The following CHRM3 variants were observed in gnomAD, a reference collection of about 807,000 sequenced individuals.
CHRM3 encodes muscarinic acetylcholine receptor M3.
A neutral mutation model predicts 41.8 loss-of-function variants in CHRM3; 11 were observed. That is an observed-to-expected ratio of 0.26 (90% confidence interval 0.17 to 0.44). CHRM3 has a LOEUF of 0.44. CHRM3 is among the 20% of genes least tolerant of loss of function. CHRM3 has a pLI of 1.00. For missense variants in CHRM3, 571 were observed against 745.4 expected (o/e 0.77, Z 2.72); for synonymous variants, 297 against 301.4 (o/e 0.99, Z 0.15).
At chr1:239,421,716 A>G (rs1030859545) in intron 1 of CHRM3, among the ~76,000 whole-genome samples, 11 of 152,170 alleles carry the variant, frequency 7.2e-5, no homozygotes, top group East Asian at 1.9e-4. Flanking sequence ...AGATATTCCA[A>G]CCATCAGGGT....
intron 2 of CHRM3, among the ~76,000 whole-genome samples, chr1:239,527,082 G>A (rs746756599): frequency 3.9e-5 from 6 of 152,076 alleles, no homozygotes; most frequent in Non-Finnish European, 8.8e-5. Context: ...CCATGATCAC[G>A]CCACTGGATT....
At chr1:239,509,417 A>G (rs1431115270) in intron 2 of CHRM3, among the ~76,000 whole-genome samples, 2 of 152,218 alleles carry the variant, frequency 1.3e-5, no homozygotes, top group African/African-American at 4.8e-5. Context: ...CAGAATTTCT[A>G]TCCAATGGCA....
chr1:239,406,613 C>G (rs796645419), intron 1 of CHRM3, among the ~76,000 whole-genome samples: 11 of 152,316 alleles, frequency 7.2e-5, no homozygotes, highest in African/African-American at 2.6e-4. Flanking sequence ...ATAACTAACT[C>G]AGTAAGTCTT....
At chr1:239,552,250 A>G (rs1334875562) in intron 3 of CHRM3, among the ~76,000 whole-genome samples, 2 of 147,680 alleles carry the variant, frequency 1.4e-5, no homozygotes, top group African/African-American at 2.5e-5. Flanking sequence ...ATATATATGT[A>G]TAGATGATAT....
intron 5 of CHRM3, among the ~76,000 whole-genome samples, chr1:239,684,222 C>T (rs932223569): frequency 6.6e-6 from 1 of 152,110 alleles, no homozygotes; most frequent in African/African-American, 2.4e-5. Context: ...TTTGCTGTTA[C>T]AGGGCACTGC....
intron 5 of CHRM3, among the ~76,000 whole-genome samples, chr1:239,782,839 A>G (rs1255574343): frequency 6.6e-6 from 1 of 152,142 alleles, no homozygotes; most frequent in Non-Finnish European, 1.5e-5. Context: ...AAAATATTCC[A>G]AATTTCTTTT....
intron 1 of CHRM3, among the ~76,000 whole-genome samples, chr1:239,392,538 T>C (rs1363260703): frequency 3.3e-5 from 5 of 152,170 alleles, no homozygotes; most frequent in South Asian, 2.1e-4. Context: ...AGGCAGGATA[T>C]CCGCCGACTA....
At chr1:239,474,793 A>T (rs1271719219) in intron 1 of CHRM3, among the ~76,000 whole-genome samples, 1 of 152,132 alleles carries the variant, frequency 6.6e-6, no homozygotes, top group South Asian at 2.1e-4. Flanking sequence ...TTTAAAACAA[A>T]CAAACTAACT....
intron 5 of CHRM3, among the ~76,000 whole-genome samples, chr1:239,724,119 G>A (rs563574158): frequency 1.5e-4 from 22 of 151,440 alleles, no homozygotes; most frequent in Middle Eastern, 3.4e-3. Flanking sequence ...GCCTTTTTTG[G>A]TCATGTTGTA....
At chr1:239,475,328 A>G (rs1347650213) in intron 1 of CHRM3, among the ~76,000 whole-genome samples, 1 of 152,180 alleles carries the variant, frequency 6.6e-6, no homozygotes, top group East Asian at 1.9e-4. Context: ...TATTATGTTC[A>G]GAATGTACCC....
intron 1 of CHRM3, among the ~76,000 whole-genome samples, chr1:239,451,148 C>T (rs192436423): frequency 7.8e-4 from 119 of 152,126 alleles, no homozygotes; most frequent in South Asian, 3.1e-3. Flanking sequence ...TGCTTGAGCC[C>T]GGGGGTTGGA....
At chr1:239,883,331 C>A (rs1051583703) in intron 6 of CHRM3, among the ~76,000 whole-genome samples, 6 of 152,178 alleles carry the variant, frequency 3.9e-5, no homozygotes. Context: ...AGTTACACAC[C>A]CTTCATCTCC....
At chr1:239,462,994 G>A (rs1665467532) in intron 1 of CHRM3, among the ~76,000 whole-genome samples, 1 of 152,112 alleles carries the variant, frequency 6.6e-6, no homozygotes, top group African/African-American at 2.4e-5. Context: ...TTCTAGAAAA[G>A]GCAGTTTACT....
chr1:239,723,259 C>G (rs930201981), intron 5 of CHRM3, among the ~76,000 whole-genome samples: 3 of 151,582 alleles, frequency 2.0e-5, no homozygotes, highest in Non-Finnish European at 2.9e-5. Context: ...AAAACAGTGC[C>G]TAAGTAATTT....
intron 5 of CHRM3, among the ~76,000 whole-genome samples, chr1:239,719,955 G>A (rs7511970): frequency 0.4 from 61,210 of 151,790 alleles, 12,648 homozygotes; most frequent in Middle Eastern, 0.51. Flanking sequence ...TTTGGCACCT[G>A]GGATGGCAAA....
chr1:239,649,169 G>A (rs928748290), intron 4 of CHRM3, among the ~76,000 whole-genome samples: 3 of 152,156 alleles, frequency 2.0e-5, no homozygotes, highest in Non-Finnish European at 4.4e-5. Flanking sequence ...AGGTGGTAGT[G>A]TGAGAAGATA....
chr1:239,578,844 G>A (rs913533182), intron 3 of CHRM3, among the ~76,000 whole-genome samples: 3 of 152,084 alleles, frequency 2.0e-5, no homozygotes, highest in Non-Finnish European at 2.9e-5. Context: ...TGAGTTCCCC[G>A]AGTGCTTCTT....
intron 1 of CHRM3, among the ~76,000 whole-genome samples, chr1:239,423,620 A>T (rs1662127922): frequency 6.6e-6 from 1 of 152,214 alleles, no homozygotes; most frequent in Non-Finnish European, 1.5e-5. Context: ...AAAATTTAGG[A>T]GTCAGAAAAG....
rs555700241 is a variant in CHRM3 at position 239,607,344 on chromosome 1, AT to A, written c.-312-24879del. ...AGCATATGGCAACTGCACAAAAAAAATGTTATTCTTTTTTAATGTTAAAAAA... is the reference window on the plus strand; with the variant it reads ...AGCATATGGCAACTGCACAAAAAAAAGTTATTCTTTTTTAATGTTAAAAAA... On this transcript the variant is annotated intron_variant, in intron 3 of 6. Transcript: ENST00000676153. Among the ~76,000 whole-genome samples the A allele has an allele frequency of 1.3e-3, 200 of 152,312 alleles. 1 individual carries two copies. The highest frequency in any genetic ancestry group is 4.7e-3 in the African/African-American group (195 of 41,576).
Sources: allele counts gnomAD v4.1 joint callset (sites outside exome capture counted in the v4.1 genomes callset), GRCh38; gene constraint gnomAD v4.1.1; transcripts MANE v1.5; gene names NCBI Gene and HGNC (gene_info 2026-07-23, HGNC 2026-07-21).